Variants in GNPAT observed in about 807,000 individuals in gnomAD.
GNPAT encodes the protein glyceronephosphate O-acyltransferase, also known as dihydroxyacetone phosphate acyltransferase.
In GNPAT, 30 loss-of-function variants were observed where a neutral mutation model predicts 78.4. The observed-to-expected ratio is 0.38, with a 90% CI of 0.29 to 0.52. The LOEUF is 0.52. Ranked by LOEUF, GNPAT falls within the 20% of genes least tolerant of loss-of-function variation. GNPAT has a pLI of 0.84. For missense variants in GNPAT, 714 were observed against 812.2 expected, an observed-to-expected ratio of 0.88 and a Z score of 1.47; for synonymous variants, 271 against 281.1, an observed-to-expected ratio of 0.96 and a Z score of 0.36.
chr1:231,263,072 G>A (rs1485677770), intron 4 of GNPAT, among the ~76,000 whole-genome samples: 1 of 152,062 alleles, frequency 6.6e-6, no homozygotes, highest in Non-Finnish European at 1.5e-5. Context: ...TTTGGTGTAG[G>A]CTTAAAAAAT....
At chr1:231,274,124 A>G in intron 12 of GNPAT, 62 bp downstream of exon 12, 1 of 1,416,532 alleles carries the variant, frequency 7.1e-7, no homozygotes, top group Non-Finnish European at 1.0e-6. Flanking sequence ...AGACATTCTC[A>G]CCCTGTGCTT....
chr1:231,244,585 G>C (rs1684700006), intron 1 of GNPAT, among the ~76,000 whole-genome samples: 1 of 152,072 alleles, frequency 6.6e-6, no homozygotes, highest in African/African-American at 2.4e-5. Context: ...TTCAGTTTGG[G>C]GTGTGTTCAG....
chr1:231,272,476 C>G, intron 11 of GNPAT, 85 bp downstream of exon 11: 1 of 785,506 alleles, frequency 1.3e-6, no homozygotes, highest in South Asian at 1.3e-5. Flanking sequence ...GTGTCTCAGG[C>G]AGTGTGCCAT....
intron 1 of GNPAT, among the ~76,000 whole-genome samples, chr1:231,248,285 A>G (rs1328746614): frequency 6.6e-6 from 1 of 152,206 alleles, no homozygotes; most frequent in Non-Finnish European, 1.5e-5. Context: ...TTACTAAGAA[A>G]ATCATAAGAG....
intron 3 of GNPAT, 53 bp downstream of exon 3, chr1:231,260,736 A>G (rs537671765): frequency 8.2e-7 from 1 of 1,215,818 alleles, no homozygotes; most frequent in African/African-American, 1.5e-5. Flanking sequence ...TCTTAAAATT[A>G]AACAAAAAAA....
chr1:231,259,970 A>G (rs541355777), intron 2 of GNPAT, among the ~76,000 whole-genome samples: 2 of 152,252 alleles, frequency 1.3e-5, no homozygotes, highest in Non-Finnish European at 2.9e-5. Flanking sequence ...CAAAAGAGCT[A>G]GAGGGCCATG....
At chr1:231,251,761 T>C (rs1301974676) in intron 2 of GNPAT, among the ~76,000 whole-genome samples, 1 of 152,220 alleles carries the variant, frequency 6.6e-6, no homozygotes. Context: ...TACTTTTCTC[T>C]TGGAGAAGCT....
At chr1:231,272,167 C>A in intron 10 of GNPAT, 145 bp from the exon 11 acceptor site, 1 of 633,018 alleles carries the variant, frequency 1.6e-6, no homozygotes, top group South Asian at 1.4e-5. Flanking sequence ...TTTAATTTAG[C>A]TTCCCTCAGG....
At chr1:231,254,517 C>CT in intron 2 of GNPAT, among the ~76,000 whole-genome samples, 1 of 152,094 alleles carries the variant, frequency 6.6e-6, no homozygotes, top group South Asian at 2.1e-4. Context: ...TCTCGGCTCA[C>CT]TGCAAGCTCT....
At chr1:231,276,089 T>G (rs753604876) in intron 14 of GNPAT, 46 bp from the exon 15 acceptor site, 32 of 853,536 alleles carry the variant, frequency 3.7e-5, no homozygotes, top group Non-Finnish European at 5.2e-5. Flanking sequence ...AAAGTTGTCT[T>G]TTCCCCAGAG....
rs547931226 is a variant in GNPAT at position 231,250,845 on chromosome 1, C to T, written c.79-116C>T. On this transcript the variant is annotated intron_variant, in intron 1 of 15. Transcript: ENST00000366647. ...AAATCTAACATCAGAACACTCTGCT[C>T]CTGTTCACGTCATAGAGTAATATTT... 1.8e-4 allele frequency: 127 copies of T among 721,898 alleles called. 2 individuals are homozygous for T. In the Middle Eastern group the frequency reaches 2.2e-3, roughly 13 times the overall value. 44.7% of individuals were successfully genotyped at this position (721,898 alleles called of 1,614,324 possible). A position where few individuals can be genotyped will look rare whatever the true frequency, so the allele number is the denominator to read the frequency against.
intron 12 of GNPAT, 137 bp downstream of exon 12, chr1:231,274,199 AC>A: frequency 1.2e-6 from 1 of 813,808 alleles, no homozygotes; most frequent in Non-Finnish European, 2.1e-6. Flanking sequence ...AGTGACTAAT[AC>A]GATCAGTGAT....
At chr1:231,254,939 G>C (rs1290420473) in intron 2 of GNPAT, among the ~76,000 whole-genome samples, 1 of 151,906 alleles carries the variant, frequency 6.6e-6, no homozygotes, top group Non-Finnish European at 1.5e-5. Flanking sequence ...TTTCAGTAGA[G>C]ATGGGGTCTC....
intron 2 of GNPAT, among the ~76,000 whole-genome samples, chr1:231,253,949 A>G (rs1485784909): frequency 6.6e-6 from 1 of 152,178 alleles, no homozygotes; most frequent in Non-Finnish European, 1.5e-5. Flanking sequence ...AGTAGCTGGG[A>G]TTACAGGCGC....
intron 9 of GNPAT, among the ~76,000 whole-genome samples, chr1:231,269,323 G>A (rs1434075913): frequency 1.3e-5 from 2 of 152,204 alleles, no homozygotes; most frequent in African/African-American, 4.8e-5. Context: ...TTGGGCCCCA[G>A]AGATTCATCA....
intron 2 of GNPAT, among the ~76,000 whole-genome samples, chr1:231,256,429 T>C (rs1164070704): frequency 6.6e-6 from 1 of 151,422 alleles, no homozygotes; most frequent in African/African-American, 2.4e-5. Context: ...CATCTTCAAC[T>C]TCTTGCTTTT....
chr1:231,277,503 TA>T lies in GNPAT; in HGVS notation c.2006del (p.Lys669ArgfsTer4). On this transcript the variant is annotated frameshift_variant, in exon 16 of 16. Transcript: ENST00000366647. LOFTEE classifies it high-confidence loss of function. ...GCTTCTCTTTTTTCATCTTAGGTTGTAAGACACCAATAGGAAAACCAGCCAC... is the reference window on the plus strand; with the variant it reads ...GCTTCTCTTTTTTCATCTTAGGTTGTAGACACCAATAGGAAAACCAGCCAC... ...TTKLEEMLGC[K>X]TPIGKPATAK... 2 of 1,589,038 alleles carry T rather than the reference TA, an allele frequency of 1.3e-6. No individual in the cohort carries two copies. Among genetic ancestry groups the T allele is most frequent in the Non-Finnish European group, 1.7e-6 (2 of 1,157,140 alleles).
chr1:231,243,911 T>C (rs1232535172), intron 1 of GNPAT, among the ~76,000 whole-genome samples: 1 of 152,022 alleles, frequency 6.6e-6, no homozygotes, highest in East Asian at 1.9e-4. Flanking sequence ...TATGTGTGTA[T>C]ATGTATTTTT....
chr1:231,243,906 G>A (rs1684683911), intron 1 of GNPAT, among the ~76,000 whole-genome samples: 1 of 151,864 alleles, frequency 6.6e-6, no homozygotes, highest in South Asian at 2.1e-4. Flanking sequence ...AAATATATGT[G>A]TGTATATGTA....
Sources: gnomAD v4.1 joint callset for allele counts (sites outside exome capture counted in the v4.1 genomes callset) on GRCh38, gnomAD v4.1.1 for gene constraint, MANE v1.5 for transcripts, NCBI Gene and HGNC (gene_info 2026-07-23, HGNC 2026-07-21) for gene names.